Variants in TMPRSS11A observed in about 807,000 individuals in gnomAD.
TMPRSS11A encodes the protein transmembrane serine protease 11A.
In TMPRSS11A, 53 loss-of-function variants were observed where a neutral mutation model predicts 58.9. The ratio of observed to expected loss-of-function variants is 0.90; its 90% CI spans 0.72 to 1.13. The LOEUF is 1.13. Ranked by LOEUF, TMPRSS11A falls within the 50% of genes most tolerant of loss-of-function variation. The probability of loss-of-function intolerance (pLI) is 0.00; values close to 1 mark genes in which losing one functional copy is unlikely to be tolerated. For synonymous variants in TMPRSS11A, 167 were observed against 169.8 expected (o/e 0.98, Z 0.13); for missense variants, 493 against 499.3 (o/e 0.99, Z 0.12).
At chr4:67,952,712 C>CT (rs1052501026) in intron 1 of TMPRSS11A, among the ~76,000 whole-genome samples, 8 of 152,206 alleles carry the variant, frequency 5.3e-5, no homozygotes, top group African/African-American at 1.9e-4. Context: ...TAATTTGATG[C>CT]TTTTTTCTAT....
rs1719931733 is a variant in TMPRSS11A at position 67,910,349 on chromosome 4, C to T, written c.*993G>A. On this transcript the variant is annotated 3_prime_UTR_variant, in exon 10 of 10. Transcript: ENST00000508048. ...CAATAGTTGGGACATTGCCATAAGCCTTATAAGCTATTTGGCTGTAGCAAT... is the reference window on the plus strand; with the variant it reads ...CAATAGTTGGGACATTGCCATAAGCTTTATAAGCTATTTGGCTGTAGCAAT... 1 of 152,008 alleles carries T rather than the reference C, an allele frequency of 6.6e-6. No individual in the cohort carries two copies. Among genetic ancestry groups the T allele is most frequent in the Non-Finnish European group, 1.5e-5 (1 of 67,934 alleles). 9.4% of individuals were successfully genotyped at this position (152,008 alleles called of 1,614,324 possible).
At chr4:67,945,451 G>A (rs1296342262) in intron 2 of TMPRSS11A, among the ~76,000 whole-genome samples, 1 of 152,132 alleles carries the variant, frequency 6.6e-6, no homozygotes, top group Non-Finnish European at 1.5e-5. Context: ...GGAAATCTCT[G>A]GACCTTGTAA....
intron 1 of TMPRSS11A, among the ~76,000 whole-genome samples, chr4:67,955,913 A>G (rs2109771177): frequency 6.6e-6 from 1 of 152,384 alleles, no homozygotes; most frequent in East Asian, 1.9e-4. Flanking sequence ...TAAGTTAACA[A>G]AAATGAGAGT....
At chr4:67,940,555 T>A (rs1401502669) in intron 3 of TMPRSS11A, among the ~76,000 whole-genome samples, 2 of 152,186 alleles carry the variant, frequency 1.3e-5, no homozygotes, top group Non-Finnish European at 2.9e-5. Context: ...TCTCAGACGA[T>A]CTTTTGTATT....
intron 1 of TMPRSS11A, among the ~76,000 whole-genome samples, chr4:67,962,990 G>A (rs556463628): frequency 3.0e-4 from 46 of 152,282 alleles, no homozygotes; most frequent in Non-Finnish European, 5.6e-4. Flanking sequence ...TAAACACAGC[G>A]AAAGAGAAAA....
At chr4:67,926,978 T>C (rs2109745186) in intron 5 of TMPRSS11A, among the ~76,000 whole-genome samples, 1 of 152,228 alleles carries the variant, frequency 6.6e-6, no homozygotes, top group South Asian at 2.1e-4. Context: ...AGCTTCTACC[T>C]CCAGGGCCTC....
intron 2 of TMPRSS11A, 30 bp from the exon 3 acceptor site, chr4:67,944,667 A>T (rs888596302): frequency 1.7e-5 from 27 of 1,598,536 alleles, no homozygotes; most frequent in Non-Finnish European, 2.0e-5. Context: ...TAGGAAACTA[A>T]ATGGTTTGGA....
chr4:67,943,812 T>C (rs1421853471), intron 3 of TMPRSS11A, among the ~76,000 whole-genome samples: 1 of 152,186 alleles, frequency 6.6e-6, no homozygotes, highest in African/African-American at 2.4e-5. Context: ...AGAAAGTGTC[T>C]TAAAAATGGT....
At chr4:67,959,135 C>A (rs1270313345) in intron 1 of TMPRSS11A, among the ~76,000 whole-genome samples, 1 of 152,126 alleles carries the variant, frequency 6.6e-6, no homozygotes, top group African/African-American at 2.4e-5. Flanking sequence ...GAAAACAAAT[C>A]AAGAAGAGGA....
chr4:67,917,354 T>C (rs4860865), intron 8 of TMPRSS11A, among the ~76,000 whole-genome samples: 81,520 of 151,920 alleles, frequency 0.54, 22,151 homozygotes, highest in East Asian at 0.67. Flanking sequence ...CTTCGAGATA[T>C]TCTCTTTATT....
At position 67,946,533 on chromosome 4, in the gene TMPRSS11A, G is replaced by A; in HGVS notation, c.50C>T (p.Pro17Leu). ...CACAATGAGAACGGCAATCATCCAT[G>A]GCTTCAGATTTCTGCTTCGGGTGCC... ...GFGTRSRNLKPWMIAVLIVLS... is the reference protein window; with the variant it reads ...GFGTRSRNLKLWMIAVLIVLS... Residue 17 changes from proline to leucine, a missense_variant, in exon 2 of 10, where the codon CCA (proline) becomes CTA (leucine). Coordinates refer to ENST00000508048, the MANE Select transcript of TMPRSS11A (RefSeq NM_001114387.2). The A allele has an allele frequency of 3.1e-6, 5 of 1,611,762 alleles. No individual in the cohort carries two copies. The highest frequency in any genetic ancestry group is 4.2e-6 in the Non-Finnish European group (5 of 1,178,966).
intron 7 of TMPRSS11A, among the ~76,000 whole-genome samples, chr4:67,920,117 C>T (rs545899685): frequency 2.6e-5 from 4 of 151,942 alleles, no homozygotes; most frequent in East Asian, 1.9e-4. Flanking sequence ...GTGGTAAATG[C>T]GGTTGACTTC....
chr4:67,960,120 A>C (rs905475519), intron 1 of TMPRSS11A, among the ~76,000 whole-genome samples: 1 of 152,176 alleles, frequency 6.6e-6, no homozygotes, highest in Non-Finnish European at 1.5e-5. Flanking sequence ...TTGAGCACAC[A>C]TAGACATAAA....
At position 67,919,057 on chromosome 4, in the gene TMPRSS11A, G is replaced by A. The variant is rs539520672; in HGVS notation, c.868C>T (p.Gln290Ter). ...SRVTFSDDIR[Q>*]ICLPEASASF... ...GCAGAGGCTTCTGGCAAACAAATCTGGCGTATGTCATCCGAAAAGGTGACT... is the reference window on the plus strand; with the variant it reads ...GCAGAGGCTTCTGGCAAACAAATCTAGCGTATGTCATCCGAAAAGGTGACT... The change falls in exon 8 of 10, where the codon CAG (glutamine) becomes TAG (stop). Residue 290 changes from glutamine (Q) to a stop codon, truncating the protein, a stop_gained. Coordinates refer to ENST00000508048, the MANE Select transcript of TMPRSS11A (RefSeq NM_001114387.2). LOFTEE classifies it high-confidence loss of function. 47 of 1,614,074 alleles carry A rather than the reference G, an allele frequency of 2.9e-5. No individual in the cohort carries two copies. Among genetic ancestry groups the A allele is most frequent in the South Asian group, 2.7e-4 (25 of 91,084 alleles).
chr4:67,929,386 A>T (rs1384437078), intron 5 of TMPRSS11A, among the ~76,000 whole-genome samples: 1 of 152,254 alleles, frequency 6.6e-6, no homozygotes, highest in African/African-American at 2.4e-5. Context: ...TTTTTAAAGC[A>T]TTAATGGTAA....
At chr4:67,913,579 T>A (rs368552691) in intron 9 of TMPRSS11A, among the ~76,000 whole-genome samples, 35 of 152,324 alleles carry the variant, frequency 2.3e-4, no homozygotes, top group East Asian at 7.7e-4. Flanking sequence ...ATGGTTCACC[T>A]GAATTCCCCG....
At chr4:67,951,315 A>T (rs976754481) in intron 1 of TMPRSS11A, among the ~76,000 whole-genome samples, 1 of 152,240 alleles carries the variant, frequency 6.6e-6, no homozygotes, top group Admixed American at 6.5e-5. Context: ...AGACACATTC[A>T]TTGAAGAATA....
In TMPRSS11A at chr4:67,946,513, T is replaced by C; in HGVS notation, c.70A>G (p.Ile24Val). Residue 24 changes from isoleucine (I) to valine (V), a missense_variant, in exon 2 of 10, where the codon ATT becomes GTT. Physicochemically the swap from Ile to Val is conservative, Grantham distance 29. Transcript: ENST00000508048. ...GCCACCACTGTCAGGGACAACACAA[T>C]GAGAACGGCAATCATCCATGGCTTC... ...NLKPWMIAVL[I>V]VLSLTVVAVT... 1.2e-6 allele frequency: 2 copies of C among 1,612,806 alleles called. No individual in the cohort carries two copies. Among genetic ancestry groups the C allele is most frequent in the African/African-American group, 1.3e-5 (1 of 74,940 alleles).
chr4:67,956,081 C>T (rs965204670), intron 1 of TMPRSS11A, among the ~76,000 whole-genome samples: 1 of 152,072 alleles, frequency 6.6e-6, no homozygotes, highest in Non-Finnish European at 1.5e-5. Flanking sequence ...GTTTTCTTCC[C>T]TGTAAATTGG....
Sources: allele counts gnomAD v4.1 joint callset (sites outside exome capture counted in the v4.1 genomes callset), GRCh38; gene constraint gnomAD v4.1.1; transcripts MANE v1.5; gene names NCBI Gene and HGNC (gene_info 2026-07-23, HGNC 2026-07-21).